LTBP1: variants seen among roughly 807,000 people sequenced by gnomAD.
LTBP1 encodes the protein latent transforming growth factor beta binding protein 1, also known as latent-transforming growth factor beta-binding protein 1.
LTBP1 carries 129 observed loss-of-function variants against 207.6 expected under a neutral mutation model. That is an observed-to-expected ratio of 0.62 (90% CI 0.54 to 0.72). LTBP1 has a LOEUF of 0.72. Among genes scored for constraint, LTBP1 ranks in the 30% least tolerant of loss-of-function variants. LTBP1 has a pLI of 0.00. For synonymous variants in LTBP1, 963 were observed against 833.7 expected (o/e 1.16, Z -2.67); for missense variants, 2,281 against 2,217.2 (o/e 1.03, Z -0.58).
intron 26 of LTBP1, among the ~76,000 whole-genome samples, chr2:33,349,386 G>C (rs1218060996): frequency 6.6e-6 from 1 of 151,790 alleles, no homozygotes; most frequent in African/African-American, 2.4e-5. Flanking sequence ...GTTGCAGTGA[G>C]CTAAGATCAC....
At chr2:33,344,859 C>A (rs190739223) in intron 25 of LTBP1, among the ~76,000 whole-genome samples, 1 of 152,110 alleles carries the variant, frequency 6.6e-6, no homozygotes, top group Non-Finnish European at 1.5e-5. Flanking sequence ...GATGTTGAAC[C>A]ATACCTGGAA....
intron 19 of LTBP1, among the ~76,000 whole-genome samples, chr2:33,283,427 C>CTTTTT (rs763384851): frequency 4.4e-5 from 3 of 68,870 alleles, no homozygotes; most frequent in African/African-American, 6.0e-5. Context: ...ACATTAAAGA[C>CTTTTT]TTTTTTTTTT....
chr2:33,182,676 GA>G (rs67222675), intron 5 of LTBP1, among the ~76,000 whole-genome samples: 3,547 of 56,812 alleles, frequency 0.062, 439 homozygotes, highest in African/African-American at 0.18. Flanking sequence ...AAAAAAAGAA[GA>G]AAAGATGGTG....
intron 25 of LTBP1, among the ~76,000 whole-genome samples, chr2:33,344,464 A>G (rs950092103): frequency 6.6e-6 from 1 of 152,060 alleles, no homozygotes; most frequent in African/African-American, 2.4e-5. Context: ...TGCCCATGTC[A>G]CTGTGCAATT....
At chr2:33,195,210 C>T (rs1441555948) in intron 7 of LTBP1, among the ~76,000 whole-genome samples, 1 of 152,166 alleles carries the variant, frequency 6.6e-6, no homozygotes, top group African/African-American at 2.4e-5. Context: ...GTCATTTGGA[C>T]TTTCAAGTCT....
intron 24 of LTBP1, among the ~76,000 whole-genome samples, chr2:33,328,608 TACTC>T (rs2094458219): frequency 1.3e-5 from 2 of 152,152 alleles, no homozygotes; most frequent in African/African-American, 4.8e-5. Flanking sequence ...TCATGAGACT[TACTC>T]ACTATCATGA....
chr2:33,218,906 T>C (rs1185574765), intron 8 of LTBP1, among the ~76,000 whole-genome samples: 2 of 152,224 alleles, frequency 1.3e-5, no homozygotes, highest in South Asian at 2.1e-4. Flanking sequence ...ACTCCTCTTA[T>C]CTGTTGATTT....
chr2:33,130,804 T>C (rs2081745455), intron 4 of LTBP1, among the ~76,000 whole-genome samples: 4 of 152,204 alleles, frequency 2.6e-5, no homozygotes, highest in African/African-American at 9.6e-5. Context: ...AGGCAATCTG[T>C]GCCTCTAGCC....
chr2:33,002,640 GC>G (rs1013393917), intron 2 of LTBP1, among the ~76,000 whole-genome samples: 5 of 152,030 alleles, frequency 3.3e-5, no homozygotes, highest in Middle Eastern at 6.3e-3. Context: ...AACATTTCTA[GC>G]ACTGGGCTGA....
chr2:33,182,733 CACAGACAT>C (rs749456252), intron 5 of LTBP1, among the ~76,000 whole-genome samples: 2,156 of 89,284 alleles, frequency 0.024, 257 homozygotes, highest in Non-Finnish European at 0.033. Context: ...CACACACACA[CACAGACAT>C]ATATATGTAT....
intron 3 of LTBP1, among the ~76,000 whole-genome samples, chr2:33,057,181 G>T (rs1438844478): frequency 1.3e-5 from 2 of 151,556 alleles, no homozygotes; most frequent in African/African-American, 4.8e-5. Context: ...GTCCCCACCA[G>T]ATTAGCTAGA....
chr2:33,275,661 G>A (rs559517418), intron 17 of LTBP1, 140 bp from the exon 18 acceptor site: 14 of 1,014,146 alleles, frequency 1.4e-5, no homozygotes, highest in Middle Eastern at 4.3e-4. Context: ...TCCAGCCTGG[G>A]CAACAAGAGC....
At chr2:33,144,910 A>C (rs895194157) in intron 5 of LTBP1, among the ~76,000 whole-genome samples, 17 of 152,230 alleles carry the variant, frequency 1.1e-4, no homozygotes, top group African/African-American at 4.1e-4. Flanking sequence ...ATCACAAATG[A>C]TGTGAAAATG....
In LTBP1 at chr2:33,263,461, A is replaced by G. The variant is rs1573499606; in HGVS notation, c.2617+69A>G. On this transcript the variant is annotated intron_variant, in intron 15 of 33. Transcript: ENST00000404816. ...TGGGGCTGAGCTTCATTTTAAATGTAGTATCCATTATATAAGCTTGCTCAT... is the reference window on the plus strand; with the variant it reads ...TGGGGCTGAGCTTCATTTTAAATGTGGTATCCATTATATAAGCTTGCTCAT... 4 of 1,123,792 alleles carry G rather than the reference A, an allele frequency of 3.6e-6. No individual in the cohort carries two copies. In the South Asian group the frequency reaches 5.1e-5, roughly 14 times the overall value. The allele number at this position is 1,123,792 out of a possible 1,614,324, so 69.6% of individuals were successfully genotyped here. A position where few individuals can be genotyped will look rare whatever the true frequency, so the allele number is the denominator to read the frequency against.
intron 9 of LTBP1, among the ~76,000 whole-genome samples, chr2:33,238,081 C>T (rs930184839): frequency 3.2e-5 from 4 of 125,720 alleles, no homozygotes; most frequent in Non-Finnish European, 6.5e-5. Context: ...TATTAAATAA[C>T]TTAATAGTCT....
At chr2:33,197,470 T>C (rs2088690244) in intron 7 of LTBP1, among the ~76,000 whole-genome samples, 1 of 152,226 alleles carries the variant, frequency 6.6e-6, no homozygotes, top group Non-Finnish European at 1.5e-5. Flanking sequence ...AGTTATCATC[T>C]CTGAGGAGAG....
chr2:33,249,271 T>C (rs2092609282), intron 10 of LTBP1, among the ~76,000 whole-genome samples: 1 of 150,698 alleles, frequency 6.6e-6, no homozygotes, highest in Non-Finnish European at 1.5e-5. Context: ...AATGCTGAGC[T>C]TGTGGGAGTT....
chr2:33,252,577 G>C, intron 10 of LTBP1, 100 bp from the exon 11 acceptor site: 1 of 1,069,668 alleles, frequency 9.3e-7, no homozygotes, highest in Non-Finnish European at 1.3e-6. Context: ...CCTGAAGTGT[G>C]GTTTTTAATT....
intron 4 of LTBP1, among the ~76,000 whole-genome samples, chr2:33,125,964 C>A (rs2081409470): frequency 6.6e-6 from 1 of 152,114 alleles, no homozygotes; most frequent in Admixed American, 6.5e-5. Context: ...GAAATTGCAA[C>A]CAGGGTATCA....
Sources: gnomAD v4.1 joint callset for allele counts (sites outside exome capture counted in the v4.1 genomes callset) on GRCh38, gnomAD v4.1.1 for gene constraint, MANE v1.5 for transcripts, NCBI Gene and HGNC (gene_info 2026-07-23, HGNC 2026-07-21) for gene names.